TRIM16: variants seen among roughly 807,000 people sequenced by gnomAD.
TRIM16 encodes tripartite motif containing 16, also known as tripartite motif-containing protein 16.
In TRIM16, 33 loss-of-function variants were observed where a neutral mutation model predicts 50.4. The observed-to-expected ratio is 0.65, with a 90% CI of 0.50 to 0.88. The LOEUF is 0.88. Among genes scored for constraint, TRIM16 ranks in the 40% least tolerant of loss-of-function variants. The pLI, the probability that TRIM16 is intolerant of heterozygous loss-of-function variation, is 0.00. For missense variants in TRIM16, 581 were observed against 686.8 expected, an observed-to-expected ratio of 0.85 and a Z score of 1.72; for synonymous variants, 229 against 270.7, an observed-to-expected ratio of 0.85 and a Z score of 1.51.
chr17:15,669,297 GC>G (rs1188350073), intron 6 of TRIM16, among the ~76,000 whole-genome samples: 1 of 151,496 alleles, frequency 6.6e-6, no homozygotes, highest in African/African-American at 2.4e-5. Flanking sequence ...GAACCCAAAT[GC>G]CCATTAATAA....
chr17:15,682,798 A>C, intron 3 of TRIM16, 56 bp downstream of exon 3: 1 of 1,362,888 alleles, frequency 7.3e-7, no homozygotes, highest in Non-Finnish European at 9.4e-7. Context: ...CTTTTTTCAG[A>C]GTTTCAAATT....
At chr17:15,653,847 C>A (rs915924410) in intron 6 of TRIM16, among the ~76,000 whole-genome samples, 3 of 152,176 alleles carry the variant, frequency 2.0e-5, no homozygotes, top group Admixed American at 6.5e-5. Context: ...ACACAGTGTA[C>A]CCAGCGTTTG....
intron 1 of TRIM16, chr17:15,683,671 C>T (rs1441198256): frequency 6.3e-6 from 1 of 157,732 alleles, no homozygotes; most frequent in Non-Finnish European, 1.4e-5. Context: ...ACAACCACCA[C>T]TTAATAGTAG....
chr17:15,639,864 T>C (rs1987038658), intron 8 of TRIM16, among the ~76,000 whole-genome samples: 1 of 148,866 alleles, frequency 6.7e-6, no homozygotes, highest in Non-Finnish European at 1.5e-5. Flanking sequence ...TCTGCAGCCC[T>C]CTGACACTTC....
At chr17:15,682,401 G>A (rs1989218458) in intron 3 of TRIM16, among the ~76,000 whole-genome samples, 1 of 152,236 alleles carries the variant, frequency 6.6e-6, no homozygotes, top group African/African-American at 2.4e-5. Context: ...CCAGAAATCA[G>A]AGGGCCTGAG....
intron 4 of TRIM16, among the ~76,000 whole-genome samples, chr17:15,678,465 G>C (rs1282719600): frequency 1.3e-5 from 2 of 152,152 alleles, no homozygotes; most frequent in Admixed American, 1.3e-4. Context: ...ATGCAAGCAG[G>C]AGTGATGTGC....
intron 6 of TRIM16, among the ~76,000 whole-genome samples, chr17:15,662,363 C>T (rs1988278741): frequency 6.6e-6 from 1 of 152,144 alleles, no homozygotes; most frequent in African/African-American, 2.4e-5. Flanking sequence ...AGTGGCTGCT[C>T]CTGAGTCCCT....
In TRIM16 at chr17:15,637,085, G is replaced by C. The variant is rs1438314165; in HGVS notation, c.616-816C>G. Among the ~76,000 whole-genome samples the C allele has an allele frequency of 2.1e-5, 3 of 143,314 alleles. 1 individual carries two copies. The highest frequency in any genetic ancestry group is 1.4e-4 in the Admixed American group (2 of 14,734). 94.0% of individuals were successfully genotyped at this position (143,314 alleles called of 152,430 possible). A position where few individuals can be genotyped will look rare whatever the true frequency, so the allele number is the denominator to read the frequency against. Reference sequence around the variant, plus strand: ...CATCTGGGAAGTGAGGAGCGTCTCCGCCCGGCAGCCACCCCGTCCGGGAGG... The same window carrying C: ...CATCTGGGAAGTGAGGAGCGTCTCCCCCCGGCAGCCACCCCGTCCGGGAGG... On this transcript the variant is annotated intron_variant, in intron 8 of 11. Transcript: ENST00000649191.
intron 8 of TRIM16, among the ~76,000 whole-genome samples, chr17:15,638,577 A>G (rs1986964412): frequency 6.7e-6 from 1 of 149,138 alleles, no homozygotes; most frequent in Non-Finnish European, 1.5e-5. Context: ...GCACCCCTCC[A>G]GGTGCTGTTT....
chr17:15,648,504 A>G (rs1987527957), intron 7 of TRIM16, among the ~76,000 whole-genome samples: 1 of 152,216 alleles, frequency 6.6e-6, no homozygotes, highest in African/African-American at 2.4e-5. Flanking sequence ...GCAGGATCTC[A>G]GCCACTTTGT....
At chr17:15,665,005 C>G (rs1163603539) in intron 6 of TRIM16, among the ~76,000 whole-genome samples, 2 of 136,362 alleles carry the variant, frequency 1.5e-5, no homozygotes, top group Non-Finnish European at 3.0e-5. Flanking sequence ...GCACTCCAGC[C>G]TGGGCAACAG....
chr17:15,678,910 C>T (rs1989062152), intron 4 of TRIM16, among the ~76,000 whole-genome samples: 1 of 146,482 alleles, frequency 6.8e-6, no homozygotes, highest in Admixed American at 6.9e-5. Context: ...CGGAGTCTCA[C>T]TCTGTTGCTG....
intron 8 of TRIM16, among the ~76,000 whole-genome samples, chr17:15,642,378 A>G (rs2150909175): frequency 6.7e-6 from 1 of 149,402 alleles, no homozygotes; most frequent in Middle Eastern, 3.4e-3. Flanking sequence ...AGAAGCCAAG[A>G]TAACGTATAG....
intron 11 of TRIM16, among the ~76,000 whole-genome samples, chr17:15,629,898 G>A (rs1238502040): frequency 6.6e-6 from 1 of 152,106 alleles, no homozygotes; most frequent in African/African-American, 2.4e-5. Context: ...CTAGTTCAGC[G>A]GGTTTCTGAC....
At chr17:15,650,633 AAG>A (rs1325759938) in intron 7 of TRIM16, among the ~76,000 whole-genome samples, 3 of 152,326 alleles carry the variant, frequency 2.0e-5, no homozygotes, top group East Asian at 1.9e-4. Flanking sequence ...GTTTGAGAAA[AAG>A]AGAAACTGGG....
At chr17:15,663,854 A>C (rs1320483925) in intron 6 of TRIM16, among the ~76,000 whole-genome samples, 3 of 152,174 alleles carry the variant, frequency 2.0e-5, no homozygotes, top group Admixed American at 6.5e-5. Flanking sequence ...GTCTGGTCAG[A>C]TGCAGTGCTG....
rs1181132544 is a variant in TRIM16, at chr17:15,651,837, C to T, written c.-228G>A. The T allele has an allele frequency of 1.6e-5, 23 of 1,429,430 alleles. No homozygotes were observed. The highest frequency in any genetic ancestry group is 2.3e-4 in the Middle Eastern group (1 of 4,320). The allele number at this position is 1,429,430 out of a possible 1,614,324, so 88.5% of individuals were successfully genotyped here. A position where few individuals can be genotyped will look rare whatever the true frequency, so the allele number is the denominator to read the frequency against. ...CTAGAGTACTCAGGCTCAGGACAGC[C>T]GGCTCAGGCTCAGGCTGCCTCCCCA... is the stretch of plus-strand genomic sequence containing the variant. On this transcript the variant is annotated 5_prime_UTR_variant, in exon 7 of 12. Transcript: ENST00000649191.
intron 6 of TRIM16, chr17:15,654,417 G>C (rs1418717093): frequency 6.6e-6 from 1 of 152,102 alleles, no homozygotes; most frequent in Non-Finnish European, 1.5e-5. Flanking sequence ...ATTCCTAGCT[G>C]CCTCAGGTCC....
Position 15,680,813 on chromosome 17 carries a change from C to A in TRIM16, c.-590+52G>T, listed in dbSNP as rs1597682800. The A allele has an allele frequency of 2.7e-6, 4 of 1,507,096 alleles. No homozygotes were observed. In the South Asian group the frequency reaches 3.9e-5, roughly 15 times the overall value. 93.4% of individuals were successfully genotyped at this position (1,507,096 alleles called of 1,614,324 possible). On this transcript the variant is annotated intron_variant, in intron 4 of 11. Coordinates refer to ENST00000649191, the MANE Select transcript of TRIM16 (RefSeq NM_001348119.1). ...GATTTCTGAGAAGAGAGGAAAATCC[C>A]CAACTCAATTAAAATAAAATTTCCA...
Sources: gnomAD v4.1 joint callset for allele counts (sites outside exome capture counted in the v4.1 genomes callset) on GRCh38, gnomAD v4.1.1 for gene constraint, MANE v1.5 for transcripts, NCBI Gene and HGNC (gene_info 2026-07-23, HGNC 2026-07-21) for gene names.